The following SLC5A4 variants were observed in gnomAD, a reference collection of about 807,000 sequenced individuals.
SLC5A4 encodes solute carrier family 5 member 4, also known as probable glucose sensor protein SLC5A4.
Under a neutral mutation model 70.3 loss-of-function variants are expected in SLC5A4, and 55 were observed. That is an observed-to-expected ratio of 0.78 (90% CI 0.63 to 0.98). SLC5A4 has a LOEUF of 0.98. Among genes scored for constraint, SLC5A4 ranks in the 50% least tolerant of loss-of-function variants. The probability of loss-of-function intolerance (pLI) is 0.00; values close to 1 mark genes in which losing one functional copy is unlikely to be tolerated. For missense variants in SLC5A4, 735 were observed against 839.2 expected (o/e 0.88, Z 1.53); for synonymous variants, 268 against 305.7 (o/e 0.88, Z 1.29).
chr22:32,308,322 G>GCA, the SLC5A4 span, among the ~76,000 whole-genome samples: 126,705 of 152,196 alleles, frequency 0.83, 53,383 homozygotes, highest in East Asian at 1. Context: ...TCCTTGAATG[G>GCA]CAGTCTCTGA....
At chr22:32,229,476 T>A in intron 10 of SLC5A4, 132 bp from the exon 11 acceptor site, 1 of 887,792 alleles carries the variant, frequency 1.1e-6, no homozygotes, top group Non-Finnish European at 1.7e-6. Flanking sequence ...CACATCAGCA[T>A]GTGGAGTTTC....
intron 5 of SLC5A4, among the ~76,000 whole-genome samples, chr22:32,247,122 G>A (rs908118075): frequency 2.0e-5 from 3 of 152,112 alleles, no homozygotes; most frequent in East Asian, 3.9e-4. Flanking sequence ...TGAATGAGAC[G>A]TTTTGTTCTT....
chr22:32,284,321 T>C, the SLC5A4 span, among the ~76,000 whole-genome samples: 2 of 152,244 alleles, frequency 1.3e-5, no homozygotes, highest in Admixed American at 6.5e-5. Flanking sequence ...AGGTTATCTA[T>C]TGCCATATAA....
At chr22:32,302,982 T>A in the SLC5A4 span, among the ~76,000 whole-genome samples, 1 of 152,242 alleles carries the variant, frequency 6.6e-6, no homozygotes, top group Non-Finnish European at 1.5e-5. Flanking sequence ...TTATTTAGAT[T>A]TCCTTCAGCA....
the SLC5A4 span, among the ~76,000 whole-genome samples, chr22:32,322,028 C>A: frequency 6.6e-6 from 1 of 152,174 alleles, no homozygotes; most frequent in Admixed American, 6.5e-5. Flanking sequence ...GTGGGGTGGA[C>A]GGAGTAGGCT....
At chr22:32,225,589 C>A (rs775449586) in intron 12 of SLC5A4, 66 bp downstream of exon 12, 128 of 982,732 alleles carry the variant, frequency 1.3e-4, no homozygotes, top group Admixed American at 9.1e-4. Flanking sequence ...TATTTTGATA[C>A]CCCAGTGAAA....
chr22:32,303,544 G>T, the SLC5A4 span, among the ~76,000 whole-genome samples: 1 of 152,170 alleles, frequency 6.6e-6, no homozygotes, highest in African/African-American at 2.4e-5. Context: ...TGTGCACAAG[G>T]AATTTCCTTG....
intron 7 of SLC5A4, among the ~76,000 whole-genome samples, chr22:32,236,584 C>A (rs1428111938): frequency 6.6e-6 from 1 of 152,028 alleles, no homozygotes; most frequent in South Asian, 2.1e-4. Context: ...CATAAAAATT[C>A]TATGTAAATG....
chr22:32,289,116 AGT>A, the SLC5A4 span, among the ~76,000 whole-genome samples: 1 of 151,994 alleles, frequency 6.6e-6, no homozygotes, highest in East Asian at 1.9e-4. Context: ...GTGGCTATCT[AGT>A]GTCTCTTAAA....
chr22:32,233,548 G>A lies in SLC5A4; in HGVS notation c.886-514C>T, dbSNP rs187071600. ...AAAATGAATTCCCAAAGATGATAGCGAAGGGGTCATTGGATAAGGTTGGGC... is the reference window on the plus strand; with the variant it reads ...AAAATGAATTCCCAAAGATGATAGCAAAGGGGTCATTGGATAAGGTTGGGC... On this transcript the variant is annotated intron_variant, in intron 8 of 14. Transcript: ENST00000266086. 6.9e-3 allele frequency among the ~76,000 whole-genome samples: 1,052 copies of A among 152,300 alleles called. 6 individuals carry two copies. Among genetic ancestry groups the A allele is most frequent in the Admixed American group, 0.013 (196 of 15,302 alleles).
chr22:32,287,174 G>C, the SLC5A4 span, among the ~76,000 whole-genome samples: 1 of 152,158 alleles, frequency 6.6e-6, no homozygotes, highest in Non-Finnish European at 1.5e-5. Flanking sequence ...ACTAAAAAAG[G>C]CTCGGACTAT....
the SLC5A4 span, among the ~76,000 whole-genome samples, chr22:32,301,414 T>C: frequency 6.6e-6 from 1 of 152,244 alleles, no homozygotes; most frequent in African/African-American, 2.4e-5. Flanking sequence ...TAATGATTAA[T>C]GATGTTAAAT....
the SLC5A4 span, among the ~76,000 whole-genome samples, chr22:32,329,225 C>A: frequency 6.6e-6 from 1 of 152,076 alleles, no homozygotes; most frequent in Non-Finnish European, 1.5e-5. Context: ...CAGAGAGGAC[C>A]CCAGGATGCA....
chr22:32,298,981 C>A, the SLC5A4 span, among the ~76,000 whole-genome samples: 9 of 128,712 alleles, frequency 7.0e-5, no homozygotes, highest in Non-Finnish European at 3.3e-5. Flanking sequence ...TGAATATTGG[C>A]CCCCACTCTC....
intron 4 of SLC5A4, among the ~76,000 whole-genome samples, chr22:32,247,771 C>A (rs1450895819): frequency 1.3e-5 from 2 of 152,202 alleles, no homozygotes; most frequent in East Asian, 3.9e-4. Flanking sequence ...CTCTCCTGAC[C>A]AATCTGCAGA....
the SLC5A4 span, among the ~76,000 whole-genome samples, chr22:32,305,341 G>A: frequency 1.5e-5 from 2 of 130,582 alleles, 1 homozygote; most frequent in Non-Finnish European, 3.2e-5. Context: ...TAATCCTTGT[G>A]CCTCTGTTGC....
chr22:32,227,715 A>G (rs1279038147), intron 11 of SLC5A4, among the ~76,000 whole-genome samples: 1 of 152,164 alleles, frequency 6.6e-6, no homozygotes, highest in East Asian at 1.9e-4. Flanking sequence ...AGGTGGGCGG[A>G]TCACGAGGTC....
chr22:32,335,719 T>C, the SLC5A4 span, among the ~76,000 whole-genome samples: 1 of 152,166 alleles, frequency 6.6e-6, no homozygotes, highest in Non-Finnish European at 1.5e-5. Flanking sequence ...CACCCAGCGA[T>C]TCCTGAAGCC....
the SLC5A4 span, among the ~76,000 whole-genome samples, chr22:32,292,825 A>C: frequency 3.9e-5 from 6 of 152,110 alleles, no homozygotes; most frequent in Non-Finnish European, 7.4e-5. Flanking sequence ...TCATATTCTT[A>C]CTTATTTTTC....
Sources: gnomAD v4.1 joint callset for allele counts (sites outside exome capture counted in the v4.1 genomes callset) on GRCh38, gnomAD v4.1.1 for gene constraint, MANE v1.5 for transcripts, NCBI Gene and HGNC (gene_info 2026-07-23, HGNC 2026-07-21) for gene names.